The following CTNND2 variants were observed in gnomAD, a reference collection of about 807,000 sequenced individuals.
The protein encoded by CTNND2 is catenin delta 2, also known as catenin delta-2.
In CTNND2, 22 loss-of-function variants were observed where a neutral mutation model predicts 144.4. That is an observed-to-expected ratio of 0.15 (90% CI 0.11 to 0.22). The LOEUF is 0.22. CTNND2 is among the 10% of genes least tolerant of loss of function. The pLI, the probability that CTNND2 is intolerant of heterozygous loss-of-function variation, is 1.00. For synonymous variants in CTNND2, 751 were observed against 695.6 expected (o/e 1.08, Z -1.25); for missense variants, 1,353 against 1,618.8 (o/e 0.84, Z 2.82).
intron 2 of CTNND2, among the ~76,000 whole-genome samples, chr5:11,729,143 G>C (rs892303065): frequency 6.6e-6 from 1 of 150,476 alleles, no homozygotes; most frequent in Non-Finnish European, 1.5e-5. Context: ...TCTATCTCAA[G>C]TTTCCAGAAC....
intron 9 of CTNND2, among the ~76,000 whole-genome samples, chr5:11,285,553 G>C (rs1203608049): frequency 5.3e-5 from 8 of 152,068 alleles, no homozygotes; most frequent in Admixed American, 5.2e-4. Context: ...CTTAAATTTG[G>C]AGACCCAAAA....
chr5:11,622,210 A>G (rs1158738661), intron 2 of CTNND2, among the ~76,000 whole-genome samples: 1 of 152,144 alleles, frequency 6.6e-6, no homozygotes, highest in Non-Finnish European at 1.5e-5. Context: ...GTCTAAAAAT[A>G]CCTTAAAATT....
At chr5:11,024,891 A>AT (rs1742654692) in intron 16 of CTNND2, among the ~76,000 whole-genome samples, 1 of 152,200 alleles carries the variant, frequency 6.6e-6, no homozygotes, top group African/African-American at 2.4e-5. Flanking sequence ...TAATAAGTAG[A>AT]TGGCAGGGTA....
rs970506399 is a variant in CTNND2, at chr5:11,458,898, G to C, written c.288-46829C>G. On this transcript the variant is annotated intron_variant, in intron 3 of 21. Transcript: ENST00000304623. ...CTGCCTCAACCTCTGGAATAGCTGG[G>C]ACTGTAGGCACGCACCACCACCACG... is the stretch of plus-strand genomic sequence containing the variant. Among the ~76,000 whole-genome samples, 3 of 151,896 alleles carry C rather than the reference G, an allele frequency of 2.0e-5. No individual in the cohort carries two copies. In the East Asian group the frequency reaches 5.8e-4, roughly 29 times the overall value.
At chr5:11,607,589 C>A (rs75022545) in intron 2 of CTNND2, among the ~76,000 whole-genome samples, 1,737 of 152,226 alleles carry the variant, frequency 0.011, 27 homozygotes, top group African/African-American at 0.041. Flanking sequence ...TCAATTGACA[C>A]AAATGATTGT....
intron 3 of CTNND2, among the ~76,000 whole-genome samples, chr5:11,439,605 T>C (rs887828892): frequency 2.0e-5 from 3 of 152,094 alleles, no homozygotes; most frequent in Admixed American, 1.3e-4. Flanking sequence ...CAATCATAGA[T>C]CACTGCAGCT....
At chr5:11,183,549 CT>C (rs368658964) in intron 11 of CTNND2, among the ~76,000 whole-genome samples, 20 of 144,620 alleles carry the variant, frequency 1.4e-4, no homozygotes, top group Admixed American at 2.1e-4. Context: ...AATTTAGTTT[CT>C]TTTTTTTTTG....
chr5:11,117,498 C>G lies in CTNND2; in HGVS notation c.2229G>C (p.Leu743Phe), dbSNP rs1753676685. The change falls in exon 13 of 22, where the codon TTG becomes TTC. Residue 743 changes from leucine (L) to phenylalanine (F), a missense_variant. Physicochemically the swap from Leu to Phe is conservative, Grantham distance 22. Around this residue, in one of 4 missense-constraint regions of CTNND2, gnomAD observed 459 missense variants for 674.3 expected, o/e 0.68. Transcript: ENST00000304623. ...MRECDGLTDA[L>F]LYVIQSALGS... ...CCAGCGCAGACTGGATCACGTACAG[C>G]AAGGCATCCGTAAGCCCATCACACT... 6.2e-7 allele frequency: 1 copy of G among 1,614,054 alleles called. No individual in the cohort carries two copies. The highest frequency in any genetic ancestry group is 1.3e-5 in the African/African-American group (1 of 74,920).
rs556064923 is a variant in CTNND2, at chr5:11,067,233, T to C, written c.2788+15463A>G. ...GAGAGTATAAGCAGAGAATAGTGTT[T>C]AAGAAGTGATACGTAGCTTTAATTC... On this transcript the variant is annotated intron_variant, in intron 16 of 21. Transcript: ENST00000304623. Among the ~76,000 whole-genome samples the C allele has an allele frequency of 2.0e-5, 3 of 152,320 alleles. No individual in the cohort carries two copies. The South Asian group carries it at 6.2e-4, about 32-fold the overall frequency.
intron 2 of CTNND2, among the ~76,000 whole-genome samples, chr5:11,720,972 C>T (rs190638444): frequency 6.6e-5 from 10 of 152,218 alleles, no homozygotes; most frequent in Admixed American, 6.5e-4. Context: ...GTTTTTATTA[C>T]CCAAGGGAAA....
intron 1 of CTNND2, among the ~76,000 whole-genome samples, chr5:11,779,818 GAA>G (rs1249613492): frequency 6.6e-6 from 1 of 152,160 alleles, no homozygotes; most frequent in African/African-American, 2.4e-5. Context: ...TTTAGTCACT[GAA>G]ACAGTATCAT....
chr5:11,128,772 T>C (rs866285451), intron 12 of CTNND2, among the ~76,000 whole-genome samples: 1 of 59,596 alleles, frequency 1.7e-5, no homozygotes, highest in Non-Finnish European at 2.9e-5. Flanking sequence ...ATATATATTA[T>C]ATATAAAATA....
At chr5:11,221,859 G>T (rs1020310798) in intron 10 of CTNND2, among the ~76,000 whole-genome samples, 12 of 152,130 alleles carry the variant, frequency 7.9e-5, no homozygotes, top group African/African-American at 2.9e-4. Flanking sequence ...AAAGGCCAAG[G>T]TTTTGCTGCC....
intron 3 of CTNND2, among the ~76,000 whole-genome samples, chr5:11,447,741 T>C (rs925255274): frequency 6.6e-6 from 1 of 151,984 alleles, no homozygotes; most frequent in African/African-American, 2.4e-5. Flanking sequence ...CAGACAGAAG[T>C]GCATTGCTAT....
At chr5:11,820,398 G>A (rs911171397) in intron 1 of CTNND2, among the ~76,000 whole-genome samples, 7 of 152,094 alleles carry the variant, frequency 4.6e-5, no homozygotes, top group African/African-American at 1.2e-4. Context: ...ACGACTGGAG[G>A]TAAAAATTAA....
chr5:11,206,213 A>G (rs1309724315), intron 10 of CTNND2, among the ~76,000 whole-genome samples: 5 of 152,198 alleles, frequency 3.3e-5, no homozygotes, highest in African/African-American at 9.7e-5. Context: ...TACGGTATAT[A>G]TCGAATAGAT....
At chr5:11,023,004 G>A in intron 16 of CTNND2, 25 bp from the exon 17 acceptor site, 1 of 1,607,994 alleles carries the variant, frequency 6.2e-7, no homozygotes, top group Non-Finnish European at 8.5e-7. Flanking sequence ...AAAGAGAAGA[G>A]TTGAAAGGAG....
intron 1 of CTNND2, among the ~76,000 whole-genome samples, chr5:11,852,751 G>C (rs1795075363): frequency 6.6e-6 from 1 of 152,102 alleles, no homozygotes; most frequent in South Asian, 2.1e-4. Context: ...ATGTAATAGA[G>C]CAACAAAATA....
intron 2 of CTNND2, among the ~76,000 whole-genome samples, chr5:11,718,594 A>G (rs1786484850): frequency 6.6e-6 from 1 of 152,124 alleles, no homozygotes; most frequent in African/African-American, 2.4e-5. Flanking sequence ...CTGATTATCA[A>G]GAGTTCTAAC....
Sources: allele counts gnomAD v4.1 joint callset (sites outside exome capture counted in the v4.1 genomes callset), GRCh38; gene constraint gnomAD v4.1.1; regional missense constraint gnomAD v4.1.1; transcripts MANE v1.5; gene names NCBI Gene and HGNC (gene_info 2026-07-23, HGNC 2026-07-21).